Variants in CD36 observed in about 807,000 individuals in gnomAD.
CD36 encodes CD36 molecule (CD36 blood group).
A neutral mutation model predicts 55.2 loss-of-function variants in CD36; 119 were observed. That is an observed-to-expected ratio of 2.15 (90% CI 1.86 to 2.51). The LOEUF (loss-of-function observed/expected upper bound fraction) is 2.51, where lower values mean the gene tolerates loss of function less well. Among genes scored for constraint, CD36 ranks in the 30% most tolerant of loss-of-function variants. The pLI is 0.00. For missense variants in CD36, 819 were observed against 555.5 expected (o/e 1.47, Z -4.77); for synonymous variants, 186 against 193.6 (o/e 0.96, Z 0.33).
intron 4 of CD36, among the ~76,000 whole-genome samples, chr7:80,657,546 C>T (rs1414613191): frequency 6.6e-6 from 1 of 152,066 alleles, no homozygotes; most frequent in African/African-American, 2.4e-5. Context: ...GTTAAAAATG[C>T]CTGATCCAGT....
At chr7:80,608,249 A>G (rs912527845) in intron 1 of CD36, among the ~76,000 whole-genome samples, 1 of 152,206 alleles carries the variant, frequency 6.6e-6, no homozygotes, top group Admixed American at 6.5e-5. Flanking sequence ...TTTATTATCT[A>G]TGTGGTACCT....
At chr7:80,664,316 G>A (rs1399447031) in intron 6 of CD36, 90 bp from the exon 7 acceptor site, 3 of 765,762 alleles carry the variant, frequency 3.9e-6, no homozygotes, top group South Asian at 2.8e-5. Context: ...TGAGTAACCA[G>A]TGATTGAGAA....
At chr7:80,627,785 G>A (rs1793829627) in intron 1 of CD36, among the ~76,000 whole-genome samples, 2 of 151,934 alleles carry the variant, frequency 1.3e-5, no homozygotes, top group Admixed American at 6.6e-5. Flanking sequence ...CAATATGTCT[G>A]TTTCTGCCAA....
rs151058808 is a variant in CD36, at chr7:80,606,679, C to T, written c.-184+4300C>T. Among the ~76,000 whole-genome samples, 82 of 152,226 alleles carry T rather than the reference C, an allele frequency of 5.4e-4. 1 individual carries two copies. The highest frequency in any genetic ancestry group is 1.8e-3 in the African/African-American group (75 of 41,546). On this transcript the variant is annotated intron_variant, in intron 1 of 13. Transcript: ENST00000309881. The stretch of plus-strand genomic sequence containing the variant: ...AGCTCAGTCCATTTCACTCTGGGTC[C>T]GAGGGTCATCTTGGAGATTTGCTAA...
intron 8 of CD36, among the ~76,000 whole-genome samples, chr7:80,667,747 G>GTTTTGTTTTTTTTTTT (rs1554344726): frequency 1.2e-5 from 1 of 82,636 alleles, no homozygotes; most frequent in African/African-American, 4.2e-5. Flanking sequence ...GTTTTCTTTT[G>GTTTTGTTTTTTTTTTT]TTTTTTTTTT....
intron 8 of CD36, among the ~76,000 whole-genome samples, chr7:80,669,538 CTGCCTCAGGATAGCTGGGAT>C (rs1797442718): frequency 2.6e-5 from 4 of 152,030 alleles, no homozygotes; most frequent in African/African-American, 9.7e-5. Context: ...AGCAATTATC[CTGCCTCAGGATAGCTGGGAT>C]TACGAGCGCC....
intron 5 of CD36, among the ~76,000 whole-genome samples, chr7:80,661,983 C>T (rs3212008): frequency 0.011 from 1,690 of 152,174 alleles, 26 homozygotes; most frequent in Admixed American, 0.051. Flanking sequence ...TCACAACAGG[C>T]GGGCATTTAT....
At chr7:80,612,242 A>G (rs1386040761) in intron 1 of CD36, among the ~76,000 whole-genome samples, 1 of 152,232 alleles carries the variant, frequency 6.6e-6, no homozygotes, top group Non-Finnish European at 1.5e-5. Context: ...CAATACACTG[A>G]GTCCTGTAAT....
chr7:80,656,234 C>T (rs1201667427), intron 3 of CD36, among the ~76,000 whole-genome samples: 1 of 152,088 alleles, frequency 6.6e-6, no homozygotes, highest in South Asian at 2.1e-4. Flanking sequence ...TTGACTGTTG[C>T]AATATTTTCA....
At chr7:80,657,441 C>G (rs1562802962) in intron 4 of CD36, among the ~76,000 whole-genome samples, 1 of 152,128 alleles carries the variant, frequency 6.6e-6, no homozygotes, top group Non-Finnish European at 1.5e-5. Flanking sequence ...TTATATCTTT[C>G]CTCTGCCTTC....
intron 4 of CD36, among the ~76,000 whole-genome samples, chr7:80,660,660 G>A (rs182156669): frequency 6.6e-5 from 10 of 152,132 alleles, no homozygotes; most frequent in Middle Eastern, 3.4e-3. Context: ...TATTATGTTC[G>A]TTCTTATGCA....
At chr7:80,670,250 A>G (rs1797530229) in intron 9 of CD36, 2 of 525,284 alleles carry the variant, frequency 3.8e-6, no homozygotes, top group Non-Finnish European at 6.8e-6. Context: ...CTAGTAGTCT[A>G]TTAACGATCA....
At chr7:80,641,531 T>C (rs1794811395) in intron 1 of CD36, among the ~76,000 whole-genome samples, 2 of 151,968 alleles carry the variant, frequency 1.3e-5, no homozygotes, top group African/African-American at 4.8e-5. Flanking sequence ...TTTTCTATCC[T>C]AAGAAAAAGT....
At chr7:80,617,009 C>T (rs1793202402) in intron 1 of CD36, among the ~76,000 whole-genome samples, 1 of 152,098 alleles carries the variant, frequency 6.6e-6, no homozygotes. Flanking sequence ...GTGGCTAAAA[C>T]TAATCAATAT....
chr7:80,675,766 G>A (rs1411689305), intron 14 of CD36, among the ~76,000 whole-genome samples: 1 of 152,168 alleles, frequency 6.6e-6, no homozygotes, highest in East Asian at 1.9e-4. Flanking sequence ...AGACAGGTAT[G>A]TAAGAAGTAG....
chr7:80,651,169 A>C (rs1795582759), intron 3 of CD36, among the ~76,000 whole-genome samples: 1 of 152,154 alleles, frequency 6.6e-6, no homozygotes, highest in Admixed American at 6.6e-5. Context: ...CTCACTTGTA[A>C]GTAGGAGCTA....
chr7:80,608,372 C>T (rs1188549337), intron 1 of CD36, among the ~76,000 whole-genome samples: 2 of 152,264 alleles, frequency 1.3e-5, no homozygotes, highest in Non-Finnish European at 1.5e-5. Flanking sequence ...ACTTAGATCT[C>T]TAACTTTCCA....
At chr7:80,674,546 C>T (rs1462380270) in intron 14 of CD36, 1 of 234,356 alleles carries the variant, frequency 4.3e-6, no homozygotes, top group Non-Finnish European at 8.4e-6. Flanking sequence ...GTGCATTTTC[C>T]AAATCCAGAA....
upstream of CD36, among the ~76,000 whole-genome samples, chr7:80,633,978 A>G (rs528860489): frequency 6.6e-6 from 1 of 152,044 alleles, no homozygotes; most frequent in Admixed American, 6.6e-5. Context: ...TTAATGTAAT[A>G]TCAGGTTAAA....
Sources: gnomAD v4.1 joint callset for allele counts (sites outside exome capture counted in the v4.1 genomes callset) on GRCh38, gnomAD v4.1.1 for gene constraint, MANE v1.5 for transcripts, NCBI Gene and HGNC (gene_info 2026-07-23, HGNC 2026-07-21) for gene names.